The following MPHOSPH9 variants were observed in gnomAD, a reference collection of about 807,000 sequenced individuals.
The protein encoded by MPHOSPH9 is M-phase phosphoprotein 9.
A neutral mutation model predicts 145.5 loss-of-function variants in MPHOSPH9; 88 were observed. The ratio of observed to expected loss-of-function variants is 0.60; its 90% CI spans 0.51 to 0.72. The LOEUF is 0.72. Ranked by LOEUF, MPHOSPH9 falls within the 30% of genes least tolerant of loss-of-function variation. The probability of loss-of-function intolerance (pLI) is 0.00; values close to 1 mark genes in which losing one functional copy is unlikely to be tolerated. For synonymous variants in MPHOSPH9, 435 were observed against 486.2 expected (o/e 0.89, Z 1.39); for missense variants, 1,238 against 1,386.6 (o/e 0.89, Z 1.70).
chr12:123,171,390 T>C (rs552429574), intron 16 of MPHOSPH9, among the ~76,000 whole-genome samples: 11 of 152,018 alleles, frequency 7.2e-5, no homozygotes, highest in Admixed American at 2.0e-4. Context: ...GAGGCGAAGG[T>C]TGCAGTGAGC....
In MPHOSPH9 at chr12:123,164,846, T is replaced by C. The variant is rs768635774; in HGVS notation, c.2767+456A>G. On this transcript the variant is annotated intron_variant, in intron 18 of 23. Transcript: ENST00000606320. ...CAACATGGTGAAACTCCGTCTCTGTTAAAAATATTAAAATTAGCCGGGGGT... is the reference window on the plus strand; with the variant it reads ...CAACATGGTGAAACTCCGTCTCTGTCAAAAATATTAAAATTAGCCGGGGGT... 4.3e-4 allele frequency among the ~76,000 whole-genome samples: 65 copies of C among 151,978 alleles called. 1 individual carries two copies. The highest frequency in any genetic ancestry group is 3.2e-3 in the Middle Eastern group (1 of 316).
upstream of MPHOSPH9, among the ~76,000 whole-genome samples, chr12:123,237,438 A>G (rs1232063127): frequency 1.3e-5 from 2 of 152,224 alleles, no homozygotes; most frequent in African/African-American, 4.8e-5. Flanking sequence ...CAAAAATAAA[A>G]TAAAAATGAA....
chr12:123,226,026 ACT>A (rs2047423308), intron 3 of MPHOSPH9, among the ~76,000 whole-genome samples: 1 of 152,326 alleles, frequency 6.6e-6, no homozygotes, highest in East Asian at 1.9e-4. Context: ...ACAGAGCAAG[ACT>A]CTGTCTCAAA....
chr12:123,216,115 T>C (rs931261601), intron 6 of MPHOSPH9, among the ~76,000 whole-genome samples: 7 of 152,160 alleles, frequency 4.6e-5, no homozygotes, highest in African/African-American at 1.7e-4. Context: ...TGGGGGTGTA[T>C]TGAATGGCTT....
At chr12:123,235,589 G>C (rs936131165), upstream of MPHOSPH9, among the ~76,000 whole-genome samples, 1 of 150,880 alleles carries the variant, frequency 6.6e-6, no homozygotes, top group Non-Finnish European at 1.5e-5. Flanking sequence ...AGCCAGGTTG[G>C]TCTCGATCTC....
chr12:123,164,178 A>G, intron 18 of MPHOSPH9, 88 bp from the exon 19 acceptor site: 1 of 1,441,316 alleles, frequency 6.9e-7, no homozygotes, highest in Non-Finnish European at 9.7e-7. Context: ...AGGTGGTTAC[A>G]CATGGTTACA....
intron 13 of MPHOSPH9, among the ~76,000 whole-genome samples, chr12:123,186,483 C>G (rs2045450314): frequency 6.6e-6 from 1 of 151,988 alleles, no homozygotes; most frequent in African/African-American, 2.4e-5. Context: ...AGGCTTGAAA[C>G]TTTGAAAGCC....
rs962470440 is a variant in MPHOSPH9, at chr12:123,214,952, A to C, written c.997-118T>G. 2.0e-5 allele frequency: 17 copies of C among 830,988 alleles called. No individual in the cohort carries two copies. The African/African-American group carries it at 2.7e-4, about 13-fold the overall frequency. The allele number at this position is 830,988 out of a possible 1,614,324, so 51.5% of individuals were successfully genotyped here. ...GGAGAAACCTTCAGAGGGTTCAAAG[A>C]AGAAAGCCTGGCCAGGCGTGATAGC... On this transcript the variant is annotated intron_variant, in intron 6 of 23. Transcript: ENST00000606320.
chr12:123,190,512 C>T (rs1218871027), intron 13 of MPHOSPH9, among the ~76,000 whole-genome samples: 1 of 152,070 alleles, frequency 6.6e-6, no homozygotes, highest in Non-Finnish European at 1.5e-5. Flanking sequence ...TTCTCTATAT[C>T]TTTTTATGTA....
Position 123,194,110 on chromosome 12 carries a change from A to G in MPHOSPH9, c.2241+276T>C, listed in dbSNP as rs1186512153. On this transcript the variant is annotated intron_variant, in intron 13 of 23. Coordinates refer to ENST00000606320, the MANE Select transcript of MPHOSPH9 (RefSeq NM_022782.4). ...ATGGGGAAACCCTGTCTTTACTAACAATACAAAAATTAGCCGGGCGCAGTG... is the reference window on the plus strand; with the variant it reads ...ATGGGGAAACCCTGTCTTTACTAACGATACAAAAATTAGCCGGGCGCAGTG... Among the ~76,000 whole-genome samples, 7 of 152,130 alleles carry G rather than the reference A, an allele frequency of 4.6e-5. No individual in the cohort carries two copies. In the East Asian group the frequency reaches 9.6e-4, roughly 21 times the overall value.
intron 18 of MPHOSPH9, among the ~76,000 whole-genome samples, chr12:123,164,488 G>A (rs964943563): frequency 9.2e-5 from 14 of 152,284 alleles, no homozygotes; most frequent in African/African-American, 3.4e-4. Context: ...AAGCATAGTG[G>A]AAAAGGAGAG....
intron 16 of MPHOSPH9, among the ~76,000 whole-genome samples, chr12:123,170,017 C>T (rs1203785725): frequency 1.3e-5 from 2 of 149,662 alleles, no homozygotes; most frequent in African/African-American, 2.5e-5. Flanking sequence ...TTACCCTGTC[C>T]CCCAGGCTAA....
At chr12:123,239,960 C>T (rs2047905436) in intron 1 of MPHOSPH9, among the ~76,000 whole-genome samples, 2 of 152,092 alleles carry the variant, frequency 1.3e-5, no homozygotes, top group Admixed American at 1.3e-4. Context: ...AAGCAATGAA[C>T]AGTCCTATGT....
chr12:123,193,112 C>T (rs4044135), intron 13 of MPHOSPH9, among the ~76,000 whole-genome samples: 42,152 of 80,846 alleles, frequency 0.52, 12,255 homozygotes, highest in East Asian at 0.7. Flanking sequence ...TATATATACA[C>T]ACACACACAC....
chr12:123,171,242 T>A (rs898684329), intron 16 of MPHOSPH9, among the ~76,000 whole-genome samples: 2 of 151,204 alleles, frequency 1.3e-5, no homozygotes, highest in Non-Finnish European at 2.9e-5. Flanking sequence ...TCACTTGAGG[T>A]CAGGAGTTCG....
chr12:123,189,809 A>C (rs1335038462), intron 13 of MPHOSPH9, among the ~76,000 whole-genome samples: 2 of 151,748 alleles, frequency 1.3e-5, no homozygotes, highest in Non-Finnish European at 2.9e-5. Context: ...GGTGGCGGGC[A>C]CCTGTAGTCC....
chr12:123,191,229 G>A (rs534486620), intron 13 of MPHOSPH9, among the ~76,000 whole-genome samples: 86 of 152,234 alleles, frequency 5.6e-4, no homozygotes, highest in Admixed American at 1.0e-3. Flanking sequence ...GCTGAGGCAG[G>A]AGAATCACTT....
chr12:123,230,386 T>C lies in MPHOSPH9; in HGVS notation c.-22A>G. On this transcript the variant is annotated 5_prime_UTR_variant, in exon 2 of 24. Coordinates refer to ENST00000606320, the MANE Select transcript of MPHOSPH9 (RefSeq NM_022782.4). The stretch of plus-strand genomic sequence containing the variant: ...CCATAGTGTACAGAAATTGTTATAT[T>C]CTCTTATTGGAAAATAAAGGTTCTT... 1 of 1,404,782 alleles carries C rather than the reference T, an allele frequency of 7.1e-7. No homozygotes were observed. 87.0% of individuals were successfully genotyped at this position (1,404,782 alleles called of 1,614,324 possible).
At chr12:123,157,200 T>C (rs1002173502) in intron 23 of MPHOSPH9, among the ~76,000 whole-genome samples, 3 of 152,236 alleles carry the variant, frequency 2.0e-5, no homozygotes, top group African/African-American at 7.2e-5. Context: ...GATAATTCTT[T>C]GGCTCTGCTG....
Sources: gnomAD v4.1 joint callset for allele counts (sites outside exome capture counted in the v4.1 genomes callset) on GRCh38, gnomAD v4.1.1 for gene constraint, MANE v1.5 for transcripts, NCBI Gene and HGNC (gene_info 2026-07-23, HGNC 2026-07-21) for gene names.